The following DNAH8 variants were observed in gnomAD, a reference collection of about 807,000 sequenced individuals.
DNAH8 encodes axonemal beta dynein heavy chain 8.
A neutral mutation model predicts 562.1 loss-of-function variants in DNAH8; 382 were observed. The ratio of observed to expected loss-of-function variants is 0.68; its 90% CI spans 0.63 to 0.74. The LOEUF (loss-of-function observed/expected upper bound fraction) is 0.74, where lower values mean the gene tolerates loss of function less well. Among genes scored for constraint, DNAH8 ranks in the 30% least tolerant of loss-of-function variants. DNAH8 has a pLI of 0.00. For missense variants in DNAH8, 5,203 were observed against 5,620.4 expected (o/e 0.93, Z 2.37); for synonymous variants, 1,881 against 1,919.4 (o/e 0.98, Z 0.52).
At chr6:38,962,009 TA>T (rs1762633721) in intron 82 of DNAH8, among the ~76,000 whole-genome samples, 1 of 151,936 alleles carries the variant, frequency 6.6e-6, no homozygotes, top group Non-Finnish European at 1.5e-5. Flanking sequence ...GATAAATATA[TA>T]AAAAATGATG....
chr6:38,726,854 T>G (rs1405219167), intron 3 of DNAH8, among the ~76,000 whole-genome samples: 16 of 96,006 alleles, frequency 1.7e-4, no homozygotes, highest in African/African-American at 6.0e-4. Context: ...TTCTTTAGTT[T>G]TTTTTTTTTT....
chr6:38,961,106 T>G (rs149238514), intron 82 of DNAH8, among the ~76,000 whole-genome samples: 1 of 152,010 alleles, frequency 6.6e-6, no homozygotes, highest in Admixed American at 6.5e-5. Context: ...TACCACATGA[T>G]CTCACTCTTG....
chr6:39,001,988 ATCTCTGAGGGT>A (rs1378488592), intron 88 of DNAH8, among the ~76,000 whole-genome samples: 1 of 152,228 alleles, frequency 6.6e-6, no homozygotes, highest in Non-Finnish European at 1.5e-5. Context: ...GGAGGAAGCC[ATCTCTGAGGGT>A]TCTCAGTTGG....
intron 33 of DNAH8, among the ~76,000 whole-genome samples, chr6:38,841,819 G>T (rs1172674551): frequency 6.6e-6 from 1 of 152,038 alleles, no homozygotes; most frequent in Admixed American, 6.5e-5. Context: ...CTGGGCTCAA[G>T]CAGTCCTTTC....
chr6:38,781,364 T>G lies in DNAH8; in HGVS notation c.2250T>G (p.Asn750Lys). 6.2e-7 allele frequency: 1 copy of G among 1,613,196 alleles called. No individual in the cohort carries two copies. The highest frequency in any genetic ancestry group is 8.5e-7 in the Non-Finnish European group (1 of 1,179,602). ...QLYRRISEPINYFFKNSDILS... is the reference protein window; with the variant it reads ...QLYRRISEPIKYFFKNSDILS... ...ATCGCCGGATAAGTGAGCCCATCAA[T>G]TATTTCTTTGTAAGCCAAGAATTAA... The change falls in exon 16 of 93, where the codon AAT (asparagine) becomes AAG (lysine). Residue 750 changes from asparagine (N) to lysine (K), a missense_variant. Asn to Lys is a moderately conservative substitution (Grantham distance 94, BLOSUM62 0). Coordinates refer to ENST00000327475, the MANE Select transcript of DNAH8 (RefSeq NM_001206927.2).
At chr6:38,742,973 C>T (rs1276936287) in intron 8 of DNAH8, among the ~76,000 whole-genome samples, 12 of 138,336 alleles carry the variant, frequency 8.7e-5, no homozygotes, top group Admixed American at 6.0e-4. Flanking sequence ...CGAGCTTGAG[C>T]GGTATGGTTT....
intron 60 of DNAH8, among the ~76,000 whole-genome samples, chr6:38,896,873 G>A (rs368992458): frequency 4.6e-5 from 7 of 151,916 alleles, no homozygotes; most frequent in African/African-American, 1.7e-4. Context: ...TGCAACCTCC[G>A]CCTCCCAGTT....
In DNAH8 at chr6:38,849,051, G is replaced by A. The variant is rs998901219; in HGVS notation, c.5199+250G>A. On this transcript the variant is annotated intron_variant, in intron 37 of 92. Transcript: ENST00000327475. ...TGAGTAGTTATAACTGAGATTATAC[G>A]GCCCAAAAAGTCTAAAATCTTTACT... Among the ~76,000 whole-genome samples the A allele has an allele frequency of 5.9e-5, 9 of 152,086 alleles. No homozygotes were observed. In the East Asian group the frequency reaches 1.4e-3, roughly 23 times the overall value.
intron 85 of DNAH8, among the ~76,000 whole-genome samples, chr6:38,979,379 A>G (rs1251598712): frequency 1.3e-5 from 2 of 152,216 alleles, no homozygotes; most frequent in Admixed American, 1.3e-4. Context: ...CATGGTTTCA[A>G]AAATGTTAAT....
At chr6:38,899,582 A>T (rs1201153688) in intron 61 of DNAH8, among the ~76,000 whole-genome samples, 194 bp from the exon 62 acceptor site, 1 of 152,244 alleles carries the variant, frequency 6.6e-6, no homozygotes, top group African/African-American at 2.4e-5. Context: ...GTAAACATAG[A>T]TGGTCAAGGA....
At chr6:38,990,589 G>C (rs535085894) in intron 88 of DNAH8, among the ~76,000 whole-genome samples, 4 of 152,100 alleles carry the variant, frequency 2.6e-5, no homozygotes, top group Admixed American at 2.0e-4. Context: ...GTGAAGAATC[G>C]TATTTCTGCC....
At chr6:38,993,897 T>C (rs1273121615) in intron 88 of DNAH8, among the ~76,000 whole-genome samples, 1 of 152,212 alleles carries the variant, frequency 6.6e-6, no homozygotes, top group East Asian at 1.9e-4. Context: ...ACTTTATGCT[T>C]GTGGACTCTC....
chr6:38,761,753 T>C lies in DNAH8; in HGVS notation c.1567T>C (p.Leu523=). 1 of 1,566,234 alleles carries C rather than the reference T, an allele frequency of 6.4e-7. No homozygotes were observed. Among genetic ancestry groups the C allele is most frequent in the African/African-American group, 1.4e-5 (1 of 71,428 alleles). The part of the protein sequence containing the change: ...ACKAYITDGG[L]NHVWDQETPV... ...TAAAGCATATATTACTGATGGAGGA[T>C]TAAACCATGTATGGGATCAGGAAAC... Residue 523 remains leucine (L), a synonymous_variant, in exon 11 of 93, where the codon TTA becomes CTA. Coordinates refer to ENST00000327475, the MANE Select transcript of DNAH8 (RefSeq NM_001206927.2).
chr6:38,775,665 T>C, intron 12 of DNAH8, 89 bp from the exon 13 acceptor site: 1 of 805,290 alleles, frequency 1.2e-6, no homozygotes, highest in Non-Finnish European at 2.0e-6. Flanking sequence ...ATGGTTTGTG[T>C]TTTATATCAA....
chr6:38,729,235 C>CAAAT (rs963190235), intron 3 of DNAH8, among the ~76,000 whole-genome samples: 3 of 151,922 alleles, frequency 2.0e-5, no homozygotes, highest in Non-Finnish European at 4.4e-5. Context: ...AACAAACAAA[C>CAAAT]AAACAAACTC....
Position 38,715,833 on chromosome 6 carries a change from CT to C in DNAH8, c.-35+419del, listed in dbSNP as rs1425195502. Among the ~76,000 whole-genome samples, 8 of 138,714 alleles carry C rather than the reference CT, an allele frequency of 5.8e-5. 1 individual carries two copies. Among genetic ancestry groups the C allele is most frequent in the Non-Finnish European group, 9.7e-5 (6 of 62,004 alleles). 91.0% of individuals were successfully genotyped at this position (138,714 alleles called of 152,430 possible). On this transcript the variant is annotated intron_variant, in intron 1 of 92. Coordinates refer to ENST00000327475, the MANE Select transcript of DNAH8 (RefSeq NM_001206927.2). The stretch of plus-strand genomic sequence containing the variant: ...TGCAATGTATGCTACCTGGATGACC[CT>C]GAAGTCTCAGACTTCACCACTATCC...
intron 88 of DNAH8, among the ~76,000 whole-genome samples, chr6:38,992,249 T>C (rs978228732): frequency 6.6e-6 from 1 of 152,214 alleles, no homozygotes; most frequent in African/African-American, 2.4e-5. Context: ...ATTACAGGTG[T>C]GAGCCACCGC....
intron 87 of DNAH8, among the ~76,000 whole-genome samples, chr6:38,985,470 G>A (rs1764316068): frequency 6.6e-6 from 1 of 152,134 alleles, no homozygotes; most frequent in East Asian, 1.9e-4. Context: ...ACTAGAAAAC[G>A]GATTTTTAAC....
intron 88 of DNAH8, among the ~76,000 whole-genome samples, chr6:39,005,199 C>T (rs936188409): frequency 1.3e-5 from 2 of 152,128 alleles, no homozygotes; most frequent in Non-Finnish European, 2.9e-5. Context: ...ATTGCCTGAG[C>T]TCAGGAGTTC....
Sources: allele counts gnomAD v4.1 joint callset (sites outside exome capture counted in the v4.1 genomes callset), GRCh38; gene constraint gnomAD v4.1.1; transcripts MANE v1.5; gene names NCBI Gene and HGNC (gene_info 2026-07-23, HGNC 2026-07-21).